FAM174A: variants seen among roughly 807,000 people sequenced by gnomAD.
FAM174A encodes the protein family with sequence similarity 174 member A.
FAM174A carries 14 observed loss-of-function variants against 14.3 expected under a neutral mutation model. That is an observed-to-expected ratio of 0.98 (90% CI 0.65 to 1.53). FAM174A has a LOEUF of 1.53. Ranked by LOEUF, FAM174A falls within the 40% of genes most tolerant of loss-of-function variation. FAM174A has a pLI of 0.00. For synonymous variants in FAM174A, 108 were observed against 111.4 expected (o/e 0.97, Z 0.19); for missense variants, 241 against 249.6 (o/e 0.97, Z 0.23).
intron 2 of FAM174A, among the ~76,000 whole-genome samples, chr5:100,576,790 T>A (rs528337202): frequency 6.6e-6 from 1 of 152,326 alleles, no homozygotes; most frequent in African/African-American, 2.4e-5. Flanking sequence ...TTGCTATTGT[T>A]ATCCTAATTT....
intron 2 of FAM174A, among the ~76,000 whole-genome samples, chr5:100,562,485 T>G (rs1031937417): frequency 1.3e-5 from 2 of 151,850 alleles, no homozygotes; most frequent in Non-Finnish European, 2.9e-5. Context: ...GGTAAACTTG[T>G]GTCATGTGGT....
chr5:100,563,892 C>T (rs1487052579), intron 2 of FAM174A, among the ~76,000 whole-genome samples: 1 of 151,866 alleles, frequency 6.6e-6, no homozygotes, highest in Non-Finnish European at 1.5e-5. Flanking sequence ...GAATAAACCT[C>T]CAGGCCAAAT....
At chr5:100,582,095 TC>T (rs939205903) in intron 2 of FAM174A, among the ~76,000 whole-genome samples, 2 of 152,238 alleles carry the variant, frequency 1.3e-5, no homozygotes, top group African/African-American at 2.4e-5. Context: ...TTTTGTGTTC[TC>T]CTAGTTTATG....
chr5:100,581,569 G>A (rs1339836558), intron 2 of FAM174A, among the ~76,000 whole-genome samples: 1 of 147,100 alleles, frequency 6.8e-6, no homozygotes, highest in East Asian at 1.9e-4. Flanking sequence ...GCTTAAGGCT[G>A]GAAGACCATG....
At chr5:100,560,490 T>C (rs566789017) in intron 1 of FAM174A, among the ~76,000 whole-genome samples, 147 of 152,214 alleles carry the variant, frequency 9.7e-4, no homozygotes, top group African/African-American at 3.3e-3. Flanking sequence ...TTTAGACGTG[T>C]ATATAGATAG....
chr5:100,539,075 T>C (rs545186414), intron 1 of FAM174A, among the ~76,000 whole-genome samples: 1 of 152,270 alleles, frequency 6.6e-6, no homozygotes, highest in African/African-American at 2.4e-5. Context: ...TTTAACCCTC[T>C]ACTTTTTTTA....
intron 2 of FAM174A, among the ~76,000 whole-genome samples, chr5:100,565,522 C>T (rs1375534302): frequency 2.6e-5 from 4 of 151,772 alleles, no homozygotes; most frequent in African/African-American, 9.7e-5. Flanking sequence ...GGGCACATGA[C>T]CCCTGTACTC....
intron 1 of FAM174A, among the ~76,000 whole-genome samples, chr5:100,555,876 C>T (rs1746366851): frequency 6.6e-6 from 1 of 151,842 alleles, no homozygotes; most frequent in African/African-American, 2.4e-5. Flanking sequence ...CAAAAATTTT[C>T]TCCCATTCTA....
chr5:100,571,526 A>G (rs1242810096), intron 2 of FAM174A, among the ~76,000 whole-genome samples: 2 of 149,848 alleles, frequency 1.3e-5, no homozygotes, highest in African/African-American at 4.9e-5. Context: ...TTTCCTTGTG[A>G]TTATTTAAAT....
intron 1 of FAM174A, among the ~76,000 whole-genome samples, chr5:100,547,552 A>G (rs1382931274): frequency 2.0e-5 from 3 of 152,088 alleles, no homozygotes; most frequent in East Asian, 1.9e-4. Context: ...ACAAGTATAA[A>G]ATGAAGCTAT....
chr5:100,535,869 C>T lies in FAM174A; in HGVS notation c.339C>T (p.Pro113=). The change falls in exon 1 of 3, where the codon CCC becomes CCT. Residue 113 remains proline (P), a synonymous_variant. Coordinates refer to ENST00000312637, the MANE Select transcript of FAM174A (RefSeq NM_198507.3). ...GSVGGGLAVS[P]NPGDKPMTQR... ...TGGGTGGCGGCCTTGCTGTGAGCCC[C>T]AACCCTGGCGACAAGCCCATGACCC... is the stretch of plus-strand genomic sequence containing the variant. The T allele has an allele frequency of 2.5e-6, 4 of 1,613,008 alleles. No individual in the cohort carries two copies. The highest frequency in any genetic ancestry group is 3.4e-6 in the Non-Finnish European group (4 of 1,179,926).
chr5:100,560,591 A>C (rs1746503484), intron 1 of FAM174A, among the ~76,000 whole-genome samples: 1 of 152,026 alleles, frequency 6.6e-6, no homozygotes, highest in Non-Finnish European at 1.5e-5. Context: ...CAGGCACTTT[A>C]CACCCAGGTG....
At chr5:100,580,186 T>C (rs957677848) in intron 2 of FAM174A, among the ~76,000 whole-genome samples, 1 of 152,166 alleles carries the variant, frequency 6.6e-6, no homozygotes, top group Non-Finnish European at 1.5e-5. Flanking sequence ...TATGTAAGAA[T>C]TGCCCCTGTC....
intron 1 of FAM174A, among the ~76,000 whole-genome samples, chr5:100,548,627 C>T (rs1746206588): frequency 6.6e-6 from 1 of 152,106 alleles, no homozygotes; most frequent in African/African-American, 2.4e-5. Flanking sequence ...TGAATCTTAG[C>T]TCTACCATTC....
chr5:100,542,823 G>A (rs1012957838), intron 1 of FAM174A, among the ~76,000 whole-genome samples: 7 of 151,034 alleles, frequency 4.6e-5, no homozygotes, highest in African/African-American at 1.7e-4. Flanking sequence ...GTGAGATCCT[G>A]CTTATTATAT....
intron 1 of FAM174A, among the ~76,000 whole-genome samples, chr5:100,548,173 T>C (rs1580364868): frequency 6.6e-6 from 1 of 152,138 alleles, no homozygotes; most frequent in African/African-American, 2.4e-5. Context: ...AGGAAAATTA[T>C]ATTTTCATGA....
At chr5:100,585,393 C>A (rs1747108214) in intron 2 of FAM174A, among the ~76,000 whole-genome samples, 1 of 151,954 alleles carries the variant, frequency 6.6e-6, no homozygotes, top group Non-Finnish European at 1.5e-5. Flanking sequence ...TCATGGCATA[C>A]TTTTTTCTTA....
Position 100,554,447 on chromosome 5 carries a change from G to A in FAM174A, c.435-7607G>A, listed in dbSNP as rs140616116. On this transcript the variant is annotated intron_variant, in intron 1 of 2. Transcript: ENST00000312637. ...TTCTCCTGCTTTAGCTTCCCGAGTA[G>A]CTGGGATTACAGGCGCACACCACCA... is the stretch of plus-strand genomic sequence containing the variant. Among the ~76,000 whole-genome samples, 1,277 of 150,716 alleles carry A rather than the reference G, an allele frequency of 8.5e-3. 17 individuals carry two copies. The highest frequency in any genetic ancestry group is 0.03 in the African/African-American group (1,216 of 40,986).
Position 100,547,833 on chromosome 5 carries a change from TA to T in FAM174A, c.434+11870del, listed in dbSNP as rs142212414. ...TAAAAGTGAGTTAAACACAAGGAAA[TA>T]TTTTTTTTTTGTCATTTACTTATCA... On this transcript the variant is annotated intron_variant, in intron 1 of 2. Coordinates refer to ENST00000312637, the MANE Select transcript of FAM174A (RefSeq NM_198507.3). Among the ~76,000 whole-genome samples the T allele has an allele frequency of 5.9e-3, 898 of 151,252 alleles. 7 individuals carry two copies. The highest frequency in any genetic ancestry group is 0.021 in the African/African-American group (848 of 40,820).
Sources: allele counts gnomAD v4.1 joint callset (sites outside exome capture counted in the v4.1 genomes callset), GRCh38; gene constraint gnomAD v4.1.1; transcripts MANE v1.5; gene names NCBI Gene and HGNC (gene_info 2026-07-23, HGNC 2026-07-21).